Variants in INPP5K observed in about 807,000 individuals in gnomAD.
The protein encoded by INPP5K is inositol polyphosphate-5-phosphatase K.
Under a neutral mutation model 53.5 loss-of-function variants are expected in INPP5K, and 35 were observed. The ratio of observed to expected loss-of-function variants is 0.65; its 90% CI spans 0.50 to 0.87. The LOEUF (loss-of-function observed/expected upper bound fraction) is 0.87. Ranked by LOEUF, INPP5K falls within the 40% of genes least tolerant of loss-of-function variation. The pLI, the probability that INPP5K is intolerant of heterozygous loss-of-function variation, is 0.00. For missense variants in INPP5K, 550 were observed against 586.2 expected, an observed-to-expected ratio of 0.94 and a Z score of 0.64; for synonymous variants, 253 against 232.8, an observed-to-expected ratio of 1.09 and a Z score of -0.79.
chr17:1,504,051 C>G (rs2075098720), intron 7 of INPP5K, among the ~76,000 whole-genome samples: 1 of 152,218 alleles, frequency 6.6e-6, no homozygotes, highest in Non-Finnish European at 1.5e-5. Flanking sequence ...CAGGCCTCTC[C>G]TAGCTTTAGC....
In INPP5K at chr17:1,505,196, G is replaced by A. The variant is rs149310704; in HGVS notation, c.776+1784C>T. 7.0e-3 allele frequency among the ~76,000 whole-genome samples: 1,071 copies of A among 152,228 alleles called. 11 individuals carry two copies. Among genetic ancestry groups the A allele is most frequent in the Middle Eastern group, 0.014 (4 of 294 alleles). On this transcript the variant is annotated intron_variant, in intron 7 of 11. Transcript: ENST00000421807. ...GCTGGAGTGCAGTGAGTCAATCTCA[G>A]CTCACTGCAGCCTTTAACTCCTGGG...
At chr17:1,499,923 A>G (rs2074962558) in intron 7 of INPP5K, among the ~76,000 whole-genome samples, 1 of 150,782 alleles carries the variant, frequency 6.6e-6, no homozygotes, top group African/African-American at 2.4e-5. Context: ...GACAGGTCTC[A>G]CTGTGTTGAA....
Position 1,501,388 on chromosome 17 carries a change from G to C in INPP5K, c.777-3266C>G, listed in dbSNP as rs374742497. Among the ~76,000 whole-genome samples, 8 of 152,368 alleles carry C rather than the reference G, an allele frequency of 5.3e-5. No individual in the cohort carries two copies. The East Asian group carries it at 1.3e-3, about 26-fold the overall frequency. On this transcript the variant is annotated intron_variant, in intron 7 of 11. Transcript: ENST00000421807. ...GCTCAGACTTTTGAATCAGAGACCA[G>C]TTGGGGGAAGGGTCCGTCCTGTTAA...
chr17:1,501,789 C>T (rs531733378), intron 7 of INPP5K, among the ~76,000 whole-genome samples: 87 of 151,870 alleles, frequency 5.7e-4, no homozygotes, highest in African/African-American at 1.7e-3. Context: ...GAGGCTGAGG[C>T]GGGCGGATCA....
chr17:1,498,167 A>G, intron 7 of INPP5K, 45 bp from the exon 8 acceptor site: 7 of 1,520,236 alleles, frequency 4.6e-6, no homozygotes, highest in Non-Finnish European at 5.4e-6. Flanking sequence ...GGAAAGAAGA[A>G]AGGGTTGGCT....
At chr17:1,507,171 C>A in intron 6 of INPP5K, 82 bp from the exon 7 acceptor site, 1 of 989,580 alleles carries the variant, frequency 1.0e-6, no homozygotes, top group Non-Finnish European at 1.6e-6. Flanking sequence ...GGGATCAGCA[C>A]ATGCCGTCAC....
At position 1,514,455 on chromosome 17, in the gene INPP5K, G is replaced by A. The variant is rs191219963; in HGVS notation, c.45-476C>T. On this transcript the variant is annotated intron_variant, in intron 1 of 11. Coordinates refer to ENST00000421807, the MANE Select transcript of INPP5K (RefSeq NM_016532.4). ...GGGGATACTGAACCATCAGCTGTCCGTCCTCACCTTTCTCTGCTGAAGCAA... is the reference window on the plus strand; with the variant it reads ...GGGGATACTGAACCATCAGCTGTCCATCCTCACCTTTCTCTGCTGAAGCAA... Among the ~76,000 whole-genome samples, 286 of 152,248 alleles carry A rather than the reference G, an allele frequency of 1.9e-3. 1 individual carries two copies. The highest frequency in any genetic ancestry group is 2.1e-3 in the Admixed American group (32 of 15,280).
chr17:1,495,701 A>T lies in INPP5K; in HGVS notation c.*122T>A. 2 of 675,478 alleles carry T rather than the reference A, an allele frequency of 3.0e-6. No individual in the cohort carries two copies. The highest frequency in any genetic ancestry group is 5.4e-5 in the East Asian group (2 of 36,736). The allele number at this position is 675,478 out of a possible 1,614,324, so 41.8% of individuals were successfully genotyped here. On this transcript the variant is annotated 3_prime_UTR_variant, in exon 12 of 12. Transcript: ENST00000421807. ...GGTTAGAGCTCACTCTGGGAGGAGT[A>T]TGTGGACGACACTTGGCTGTCTCTT...
In INPP5K at chr17:1,512,257, G is replaced by A. The variant is rs542364415; in HGVS notation, c.261+1196C>T. 9.2e-5 allele frequency among the ~76,000 whole-genome samples: 14 copies of A among 152,306 alleles called. No individual in the cohort carries two copies. In the South Asian group the frequency reaches 1.7e-3, roughly 18 times the overall value. On this transcript the variant is annotated intron_variant, in intron 3 of 11. Coordinates refer to ENST00000421807, the MANE Select transcript of INPP5K (RefSeq NM_016532.4). ...CCTACCAATCCTTTGCCAGTCAGCC[G>A]AGAAGCAAGGAGGCCTGCAGTCTTG...
At chr17:1,515,697 G>T (rs2150996445) in intron 1 of INPP5K, 1 of 803,476 alleles carries the variant, frequency 1.2e-6, no homozygotes, top group Non-Finnish European at 1.5e-6. Context: ...AGCACTTCAA[G>T]AAATTCTTGG....
intron 7 of INPP5K, among the ~76,000 whole-genome samples, chr17:1,500,367 G>GA (rs1555526105): frequency 6.9e-6 from 1 of 145,234 alleles, no homozygotes; most frequent in African/African-American, 2.5e-5. Flanking sequence ...TGCTTCCAAA[G>GA]TTTTTTTTTT....
chr17:1,504,588 T>C (rs553030136), intron 7 of INPP5K, among the ~76,000 whole-genome samples: 60 of 152,354 alleles, frequency 3.9e-4, no homozygotes, highest in African/African-American at 1.1e-3. Context: ...GACACAGATA[T>C]GAGTTCCAAT....
At chr17:1,511,534 G>A (rs1255781382) in intron 3 of INPP5K, among the ~76,000 whole-genome samples, 2 of 152,188 alleles carry the variant, frequency 1.3e-5, no homozygotes, top group Non-Finnish European at 2.9e-5. Flanking sequence ...ACGAGCCCTG[G>A]CATAGCGGAG....
chr17:1,502,213 G>C (rs1246087199), intron 7 of INPP5K, among the ~76,000 whole-genome samples: 1 of 152,090 alleles, frequency 6.6e-6, no homozygotes, highest in Non-Finnish European at 1.5e-5. Context: ...GCCAGGCGTG[G>C]TGACGGGCGC....
chr17:1,496,224 G>A, intron 10 of INPP5K, 60 bp from the exon 11 acceptor site: 1 of 1,511,678 alleles, frequency 6.6e-7, no homozygotes, highest in Non-Finnish European at 9.1e-7. Flanking sequence ...ACCCAGCTCT[G>A]AGTGACAAGT....
At chr17:1,499,148 A>G (rs1023054634) in intron 7 of INPP5K, among the ~76,000 whole-genome samples, 1 of 152,226 alleles carries the variant, frequency 6.6e-6, no homozygotes, top group Non-Finnish European at 1.5e-5. Flanking sequence ...TAAAGTACAT[A>G]AAATGTTTAG....
chr17:1,499,969 G>A (rs1051238688), intron 7 of INPP5K, among the ~76,000 whole-genome samples: 1 of 152,146 alleles, frequency 6.6e-6, no homozygotes, highest in Non-Finnish European at 1.5e-5. Flanking sequence ...TCAATCCATC[G>A]ACAGGGTCTT....
chr17:1,516,554 G>A lies in INPP5K; in HGVS notation c.-55C>T. On this transcript the variant is annotated 5_prime_UTR_variant, in exon 1 of 12. Transcript: ENST00000421807. ...GCAGGTTCGCGTCTCCCGGCCAGCG[G>A]GTCCCGGCCAGAGCAGCCCTGCGGG... 2 of 1,517,052 alleles carry A rather than the reference G, an allele frequency of 1.3e-6. No individual in the cohort carries two copies. Among genetic ancestry groups the A allele is most frequent in the Non-Finnish European group, 1.8e-6 (2 of 1,140,992 alleles). 94.0% of individuals were successfully genotyped at this position (1,517,052 alleles called of 1,614,324 possible). A position where few individuals can be genotyped will look rare whatever the true frequency, so the allele number is the denominator to read the frequency against.
intron 7 of INPP5K, among the ~76,000 whole-genome samples, chr17:1,502,140 G>C (rs1447679941): frequency 6.6e-6 from 1 of 151,692 alleles, no homozygotes; most frequent in Non-Finnish European, 1.5e-5. Context: ...ATGAGGTCAG[G>C]ACATGGAGAC....
Sources: allele counts gnomAD v4.1 joint callset (sites outside exome capture counted in the v4.1 genomes callset), GRCh38; gene constraint gnomAD v4.1.1; transcripts MANE v1.5; gene names NCBI Gene and HGNC (gene_info 2026-07-23, HGNC 2026-07-21).